Variants in GPHN observed in about 807,000 individuals in gnomAD.
GPHN encodes gephyrin.
Under a neutral mutation model 95.5 loss-of-function variants are expected in GPHN, and 17 were observed. The ratio of observed to expected loss-of-function variants is 0.18; its 90% CI spans 0.12 to 0.27. GPHN has a LOEUF of 0.27. Among genes scored for constraint, GPHN ranks in the 10% least tolerant of loss-of-function variants. GPHN has a pLI of 1.00. For missense variants in GPHN, 660 were observed against 978.1 expected (o/e 0.67, Z 4.34); for synonymous variants, 320 against 322.5 (o/e 0.99, Z 0.08).
At chr14:66,722,604 C>T (rs2070863955) in intron 2 of GPHN, among the ~76,000 whole-genome samples, 1 of 152,100 alleles carries the variant, frequency 6.6e-6, no homozygotes, top group Non-Finnish European at 1.5e-5. Flanking sequence ...CCGCCATGCA[C>T]AGCTAATTTG....
chr14:67,587,424 T>A, the GPHN span: 2 of 644,200 alleles, frequency 3.1e-6, no homozygotes, highest in East Asian at 5.5e-5. Flanking sequence ...CTCAACTTTT[T>A]AAAATCCAGA....
the GPHN span, chr14:67,648,450 T>C: frequency 0.079 from 22,594 of 284,758 alleles, 1,427 homozygotes; most frequent in East Asian, 0.23. Flanking sequence ...GAATAAATTG[T>C]CAAACTGATG....
chr14:67,222,571 G>C, the GPHN span, among the ~76,000 whole-genome samples: 49 of 152,188 alleles, frequency 3.2e-4, 7 homozygotes, highest in Admixed American at 2.8e-3. Context: ...CCACCACCCT[G>C]GACCTATTTA....
intron 1 of GPHN, among the ~76,000 whole-genome samples, chr14:66,630,751 C>T (rs1228541230): frequency 3.9e-5 from 6 of 152,116 alleles, no homozygotes; most frequent in African/African-American, 9.7e-5. Context: ...AGATTACAGG[C>T]GTGAGCCACT....
chr14:67,272,876 C>T, the GPHN span, among the ~76,000 whole-genome samples: 1 of 152,092 alleles, frequency 6.6e-6, no homozygotes, highest in Non-Finnish European at 1.5e-5. Context: ...ACCATATTGC[C>T]CAGGCTGGTC....
chr14:66,657,011 G>A (rs2065344224), intron 1 of GPHN, among the ~76,000 whole-genome samples: 1 of 152,158 alleles, frequency 6.6e-6, no homozygotes, highest in Admixed American at 6.5e-5. Flanking sequence ...TCAAAAGCTA[G>A]GCCTCTCGCA....
chr14:66,890,680 A>C (rs998655504), intron 5 of GPHN, among the ~76,000 whole-genome samples: 2 of 152,036 alleles, frequency 1.3e-5, no homozygotes, highest in African/African-American at 2.4e-5. Context: ...CTCAAAAAAA[A>C]CCCCCAGCAA....
chr14:67,617,527 G>A, the GPHN span: 1 of 152,190 alleles, frequency 6.6e-6, no homozygotes, highest in South Asian at 2.1e-4. Context: ...TTTGGATTAA[G>A]GATGCTCAAC....
intron 1 of GPHN, among the ~76,000 whole-genome samples, chr14:66,589,301 G>A (rs931292862): frequency 6.6e-6 from 1 of 151,976 alleles, no homozygotes; most frequent in Non-Finnish European, 1.5e-5. Context: ...AAAGTCTTTC[G>A]ACACTATGAA....
At position 66,602,559 on chromosome 14, in the gene GPHN, A is replaced by G. The variant is rs1424544493; in HGVS notation, c.65-78548A>G. 7.2e-5 allele frequency among the ~76,000 whole-genome samples: 11 copies of G among 152,144 alleles called. No homozygotes were observed. In the East Asian group the frequency reaches 1.3e-3, roughly 19 times the overall value. Reference sequence around the variant, plus strand: ...TACGAATTTTGTTTTTTCATGTTAAAGGATTCAATTTTTCATCAGTTACTT... The same window carrying G: ...TACGAATTTTGTTTTTTCATGTTAAGGGATTCAATTTTTCATCAGTTACTT... On this transcript the variant is annotated intron_variant, in intron 1 of 22. Transcript: ENST00000478722.
At chr14:66,861,372 GAGAT>G (rs1022627809) in intron 4 of GPHN, among the ~76,000 whole-genome samples, 9 of 152,066 alleles carry the variant, frequency 5.9e-5, no homozygotes, top group African/African-American at 2.2e-4. Flanking sequence ...GCTAAAGAGA[GAGAT>G]AGATTCCAAT....
chr14:67,023,690 A>G lies in GPHN; in HGVS notation c.1006+15A>G. On this transcript the variant is annotated intron_variant, in intron 10 of 22. Transcript: ENST00000478722. ...TCTCAGAGCCAGTAAGTATTTTACC[A>G]TTTCTGGTGGGCTGCTGAACTAGAG... is the stretch of plus-strand genomic sequence containing the variant. The G allele has an allele frequency of 1.2e-6, 2 of 1,604,636 alleles. No individual in the cohort carries two copies. Among genetic ancestry groups the G allele is most frequent in the Non-Finnish European group, 8.5e-7 (1 of 1,171,442 alleles).
At chr14:67,552,354 T>C in the GPHN span, among the ~76,000 whole-genome samples, 1 of 152,162 alleles carries the variant, frequency 6.6e-6, no homozygotes, top group African/African-American at 2.4e-5. Context: ...AGATCTGCCC[T>C]CGTGAAAAGT....
the GPHN span, chr14:67,473,969 A>AG: frequency 1.3e-6 from 2 of 1,549,306 alleles, no homozygotes; most frequent in Non-Finnish European, 1.7e-6. This position sits in a 1 kb window ranked among gnomAD's most constrained non-coding sequence, Gnocchi z 6.5. Flanking sequence ...GAGACAGGTG[A>AG]GGGCCGGGCG....
chr14:66,663,979 A>T (rs997659944), intron 1 of GPHN, among the ~76,000 whole-genome samples: 2 of 152,214 alleles, frequency 1.3e-5, no homozygotes, highest in African/African-American at 4.8e-5. Flanking sequence ...CAGATTCATA[A>T]ACCAAGTTAT....
intron 8 of GPHN, among the ~76,000 whole-genome samples, chr14:66,943,592 C>G (rs1240926004): frequency 1.3e-5 from 2 of 152,186 alleles, no homozygotes; most frequent in Admixed American, 1.3e-4. Flanking sequence ...TACCAATATT[C>G]TTTAAGGGTT....
At chr14:66,799,341 T>C (rs903656617) in intron 3 of GPHN, among the ~76,000 whole-genome samples, 1 of 152,020 alleles carries the variant, frequency 6.6e-6, no homozygotes, top group South Asian at 2.1e-4. Context: ...ATTTGGTCTA[T>C]ACTGCAGACC....
At chr14:66,615,428 A>G (rs1225542708) in intron 1 of GPHN, among the ~76,000 whole-genome samples, 1 of 146,146 alleles carries the variant, frequency 6.8e-6, no homozygotes, top group Non-Finnish European at 1.5e-5. Flanking sequence ...ATGGTATCTC[A>G]TTGTGGTTTT....
chr14:66,649,450 A>C lies in GPHN; in HGVS notation c.65-31657A>C, dbSNP rs112389103. Among the ~76,000 whole-genome samples, 96 of 152,284 alleles carry C rather than the reference A, an allele frequency of 6.3e-4. 2 individuals are homozygous for C. Among genetic ancestry groups the C allele is most frequent in the Admixed American group, 1.9e-3 (29 of 15,300 alleles). ...GCAAGAGGTGAGCAGCAGATGAGCA[A>C]GTGAAGCTTCATCTGTATTTACAGC... On this transcript the variant is annotated intron_variant, in intron 1 of 22. Coordinates refer to ENST00000478722, the MANE Select transcript of GPHN (RefSeq NM_020806.5).
Sources: gnomAD v4.1 joint callset for allele counts (sites outside exome capture counted in the v4.1 genomes callset) on GRCh38, gnomAD v4.1.1 for gene constraint, Gnocchi (gnomAD v3.1) non-coding constraint, MANE v1.5 for transcripts, NCBI Gene and HGNC (gene_info 2026-07-23, HGNC 2026-07-21) for gene names.